The following PCDHGA1 variants were observed in gnomAD, a reference collection of about 807,000 sequenced individuals.
PCDHGA1 encodes the protein protocadherin gamma subfamily A, 1.
In PCDHGA1, 32 loss-of-function variants were observed where a neutral mutation model predicts 58.0. That is an observed-to-expected ratio of 0.55 (90% CI 0.42 to 0.74). The LOEUF (loss-of-function observed/expected upper bound fraction) is 0.74, where lower values mean the gene tolerates loss of function less well. Ranked by LOEUF, PCDHGA1 falls within the 30% of genes least tolerant of loss-of-function variation. The probability of loss-of-function intolerance (pLI) is 0.00; values close to 1 mark genes in which losing one functional copy is unlikely to be tolerated. For synonymous variants in PCDHGA1, 498 were observed against 501.1 expected (o/e 0.99, Z 0.08); for missense variants, 1,205 against 1,182.3 (o/e 1.02, Z -0.28).
intron 1 of PCDHGA1, among the ~76,000 whole-genome samples, chr5:141,466,021 G>A (rs2099115061): frequency 6.6e-6 from 1 of 151,934 alleles, no homozygotes; most frequent in Admixed American, 6.6e-5. Flanking sequence ...ACTCGGGAGG[G>A]TGAGGCAGGA....
intron 1 of PCDHGA1, chr5:141,415,028 C>T (rs756347396): frequency 3.1e-6 from 5 of 1,613,524 alleles, no homozygotes; most frequent in Middle Eastern, 1.7e-4. Context: ...GCCAGCGAGC[C>T]GGGACTCTTC....
At chr5:141,372,206 G>C in intron 1 of PCDHGA1, 1 of 1,613,590 alleles carries the variant, frequency 6.2e-7, no homozygotes, top group East Asian at 2.2e-5. Flanking sequence ...ACGCCTGGCT[G>C]TCCTACCACA....
At position 141,464,471 on chromosome 5, in the gene PCDHGA1, G is replaced by A. The variant is rs142068327; in HGVS notation, c.2422-30336G>A. On this transcript the variant is annotated intron_variant, in intron 1 of 3. Coordinates refer to ENST00000517417, the MANE Select transcript of PCDHGA1 (RefSeq NM_018912.3). ...TTGTTGTTATTTTTGAAGTATGTAC[G>A]TATAATAAATTCCTAATAGTGTGAT... Among the ~76,000 whole-genome samples, 204 of 151,612 alleles carry A rather than the reference G, an allele frequency of 1.3e-3. 1 individual carries two copies. The highest frequency in any genetic ancestry group is 2.3e-3 in the Non-Finnish European group (156 of 67,928).
Position 141,431,351 on chromosome 5 carries a change from C to T in PCDHGA1, c.2422-63456C>T, listed in dbSNP as rs1411192998. On this transcript the variant is annotated intron_variant, in intron 1 of 3. Coordinates refer to ENST00000517417, the MANE Select transcript of PCDHGA1 (RefSeq NM_018912.3). The surrounding 1 kb of genome is among the most constrained non-coding windows in gnomAD (Gnocchi z 4.8). ...TAAGTACCCCGAATTGGTGCTGAAACGCGCCCTGGACCGCGAAGAAAAGGC... is the reference window on the plus strand; with the variant it reads ...TAAGTACCCCGAATTGGTGCTGAAATGCGCCCTGGACCGCGAAGAAAAGGC... The T allele has an allele frequency of 1.9e-6, 3 of 1,613,946 alleles. No homozygotes were observed. Among genetic ancestry groups the T allele is most frequent in the African/African-American group, 2.7e-5 (2 of 74,938 alleles).
intron 1 of PCDHGA1, chr5:141,388,040 G>A (rs1561617548): frequency 7.1e-7 from 1 of 1,412,748 alleles, no homozygotes; most frequent in Non-Finnish European, 9.6e-7. Flanking sequence ...ACCTCGCCAC[G>A]GACCTGGGGT....
chr5:141,417,678 A>G (rs1306009640), intron 1 of PCDHGA1: 4 of 997,368 alleles, frequency 4.0e-6, no homozygotes, highest in Non-Finnish European at 5.7e-6. Flanking sequence ...GCAGCCAACA[A>G]CAGAAAAGAA....
chr5:141,454,081 T>C (rs1009599234), intron 1 of PCDHGA1, among the ~76,000 whole-genome samples: 2 of 152,198 alleles, frequency 1.3e-5, no homozygotes, highest in African/African-American at 4.8e-5. Flanking sequence ...ATGTTTTCAG[T>C]GAAATTTGAA....
intron 1 of PCDHGA1, chr5:141,350,853 A>G: frequency 1.2e-6 from 2 of 1,614,078 alleles, no homozygotes; most frequent in Non-Finnish European, 1.7e-6. Context: ...AAACCTCTAG[A>G]CAGGGAACAT....
At position 141,361,919 on chromosome 5, in the gene PCDHGA1, A is replaced by T. The variant is rs947072299; in HGVS notation, c.2421+28814A>T. The T allele has an allele frequency of 6.0e-5, 97 of 1,607,890 alleles. No individual in the cohort carries two copies. Among genetic ancestry groups the T allele is most frequent in the Non-Finnish European group, 7.7e-5 (91 of 1,179,054 alleles). On this transcript the variant is annotated intron_variant, in intron 1 of 3. Transcript: ENST00000517417. ...CTGGTGACCAAGGTGGTGGCGGTGGACGCAGACTCAGGACACAACGCTTGG... is the reference window on the plus strand; with the variant it reads ...CTGGTGACCAAGGTGGTGGCGGTGGTCGCAGACTCAGGACACAACGCTTGG...
At chr5:141,457,500 A>G (rs1483244745) in intron 1 of PCDHGA1, among the ~76,000 whole-genome samples, 1 of 152,244 alleles carries the variant, frequency 6.6e-6, no homozygotes, top group African/African-American at 2.4e-5. Context: ...AAATGTAGGC[A>G]AAAAGCTTAA....
In PCDHGA1 at chr5:141,413,469, G is replaced by A. The variant is rs766765319; in HGVS notation, c.2421+80364G>A. 5 of 1,614,012 alleles carry A rather than the reference G, an allele frequency of 3.1e-6. No individual in the cohort carries two copies. The African/African-American group carries it at 5.3e-5, about 17-fold the overall frequency. On this transcript the variant is annotated intron_variant, in intron 1 of 3. Transcript: ENST00000517417. ...CCGCGGGCAGGATAGACCGGGAGGA[G>A]CTCTGCGCTCAGAGCGCGCGGTGCG...
intron 1 of PCDHGA1, chr5:141,364,208 T>G: frequency 8.4e-7 from 1 of 1,193,066 alleles, no homozygotes; most frequent in Non-Finnish European, 1.1e-6. Context: ...CCAGACAAGC[T>G]CCTACGAAAA....
At chr5:141,384,149 T>G (rs1361199282) in intron 1 of PCDHGA1, 1 of 1,613,252 alleles carries the variant, frequency 6.2e-7, no homozygotes, top group Non-Finnish European at 8.5e-7. Flanking sequence ...ACACTCTCTT[T>G]GTATAACATC....
At chr5:141,418,233 A>T in intron 1 of PCDHGA1, 1 of 1,614,048 alleles carries the variant, frequency 6.2e-7, no homozygotes, top group Non-Finnish European at 8.5e-7. Flanking sequence ...GTGATTGAGG[A>T]TGTTAATGAC....
intron 1 of PCDHGA1, among the ~76,000 whole-genome samples, chr5:141,433,573 C>T (rs1400327372): frequency 1.3e-5 from 2 of 152,046 alleles, no homozygotes; most frequent in Admixed American, 1.3e-4. Flanking sequence ...CGGTGGCTCA[C>T]GCCTGTAATC....
chr5:141,415,078 GC>G (rs2095826068), intron 1 of PCDHGA1: 1 of 1,613,376 alleles, frequency 6.2e-7, no homozygotes, highest in Non-Finnish European at 8.5e-7. Flanking sequence ...CACGGCGCGA[GC>G]CCTGCTGGAC....
chr5:141,501,947 T>A (rs2099811963), intron 2 of PCDHGA1, among the ~76,000 whole-genome samples: 1 of 152,152 alleles, frequency 6.6e-6, no homozygotes, highest in Non-Finnish European at 1.5e-5. Context: ...CTGCTCCCTG[T>A]GACAGGTCAT....
At chr5:141,447,824 G>A (rs926580893) in intron 1 of PCDHGA1, among the ~76,000 whole-genome samples, 7 of 152,034 alleles carry the variant, frequency 4.6e-5, no homozygotes, top group Admixed American at 1.3e-4. Flanking sequence ...GGTGGCTCAC[G>A]CCTGTAATCC....
At chr5:141,393,650 C>T in intron 1 of PCDHGA1, 2 of 1,613,904 alleles carry the variant, frequency 1.2e-6, no homozygotes, top group South Asian at 1.1e-5. Flanking sequence ...AAGTGGCATA[C>T]AAATTCCGGA....
Sources: allele counts gnomAD v4.1 joint callset (sites outside exome capture counted in the v4.1 genomes callset), GRCh38; gene constraint gnomAD v4.1.1; non-coding constraint Gnocchi (gnomAD v3.1); transcripts MANE v1.5; gene names NCBI Gene and HGNC (gene_info 2026-07-23, HGNC 2026-07-21).